The following RTL4 variants were observed in gnomAD, a reference collection of about 807,000 sequenced individuals.
RTL4 encodes retrotransposon Gag-like protein 4.
A neutral mutation model predicts 5.3 loss-of-function variants in RTL4; 4 were observed. That is an observed-to-expected ratio of 0.75 (90% CI 0.37 to 1.72). The LOEUF (loss-of-function observed/expected upper bound fraction) is 1.72. Ranked by LOEUF, RTL4 falls within the 40% of genes most tolerant of loss-of-function variation. The probability of loss-of-function intolerance (pLI) is 0.04; values close to 1 mark genes in which losing one functional copy is unlikely to be tolerated. For missense variants in RTL4, 260 were observed against 227.1 expected (o/e 1.14, Z -0.93); for synonymous variants, 98 against 87.3 (o/e 1.12, Z -0.68).
At chrX:112,089,587 T>C in the RTL4 span, among the ~76,000 whole-genome samples, 2 of 111,596 alleles carry the variant, frequency 1.8e-5, no homozygotes, top group African/African-American at 6.5e-5. Flanking sequence ...CCTTCAATTC[T>C]ATTCTACTGT....
At chrX:112,272,132 T>C in the RTL4 span, among the ~76,000 whole-genome samples, 1 of 112,040 alleles carries the variant, frequency 8.9e-6, no homozygotes, top group Non-Finnish European at 1.9e-5. Context: ...AGAACTTATT[T>C]ATCCTGCGTG....
At chrX:112,294,688 G>T in the RTL4 span, among the ~76,000 whole-genome samples, 3 of 111,950 alleles carry the variant, frequency 2.7e-5, no homozygotes, top group African/African-American at 9.7e-5. Flanking sequence ...ATGTAGTTTG[G>T]CATCTCGCAT....
the RTL4 span, among the ~76,000 whole-genome samples, chrX:112,402,399 A>AG: frequency 2.1e-3 from 133 of 62,060 alleles, 1 homozygote; most frequent in Admixed American, 7.6e-3. Context: ...CGGAATTATT[A>AG]TTGTGTGTGT....
At chrX:112,104,000 C>T in the RTL4 span, among the ~76,000 whole-genome samples, 5 of 111,165 alleles carry the variant, frequency 4.5e-5, no homozygotes, top group Non-Finnish European at 7.6e-5. Context: ...ACCTATTCCT[C>T]CTATATAACT....
At chrX:112,195,912 G>C in the RTL4 span, among the ~76,000 whole-genome samples, 1 of 111,021 alleles carries the variant, frequency 9.0e-6, no homozygotes, top group Non-Finnish European at 1.9e-5. Flanking sequence ...GCCCAAATTC[G>C]TTTTCTAAAC....
chrX:112,281,271 T>G, the RTL4 span, among the ~76,000 whole-genome samples: 1 of 111,708 alleles, frequency 9.0e-6, no homozygotes, highest in Non-Finnish European at 1.9e-5. Flanking sequence ...ATATTTTACT[T>G]AATGTAACAT....
At chrX:112,266,013 T>C in the RTL4 span, among the ~76,000 whole-genome samples, 1 of 110,600 alleles carries the variant, frequency 9.0e-6, no homozygotes, top group Non-Finnish European at 1.9e-5. Context: ...ACGGGAGTGT[T>C]ATAGGCCTTC....
At chrX:112,400,971 G>A in the RTL4 span, among the ~76,000 whole-genome samples, 1 of 111,592 alleles carries the variant, frequency 9.0e-6, no homozygotes, top group African/African-American at 3.3e-5. Flanking sequence ...CCTTGTACTG[G>A]GGCTTGGAAA....
At chrX:112,418,108 A>G in the RTL4 span, among the ~76,000 whole-genome samples, 1 of 111,841 alleles carries the variant, frequency 8.9e-6, no homozygotes, top group Non-Finnish European at 1.9e-5. Flanking sequence ...AGATCTCACC[A>G]TTACAGTCCA....
chrX:112,342,252 GC>G, the RTL4 span, among the ~76,000 whole-genome samples: 1 of 111,222 alleles, frequency 9.0e-6, no homozygotes, highest in Non-Finnish European at 1.9e-5. Context: ...ATCTAACTCG[GC>G]CATTCTTAAC....
At chrX:112,163,804 G>A in the RTL4 span, among the ~76,000 whole-genome samples, 1 of 111,763 alleles carries the variant, frequency 8.9e-6, no homozygotes, top group Non-Finnish European at 1.9e-5. Flanking sequence ...CCTAGCAGAG[G>A]ATAGGTTGTC....
the RTL4 span, among the ~76,000 whole-genome samples, chrX:112,365,118 A>G: frequency 9.0e-6 from 1 of 111,194 alleles, no homozygotes; most frequent in Non-Finnish European, 1.9e-5. Flanking sequence ...TCAGAGGAAT[A>G]TACATCTAAG....
chrX:112,306,437 G>A, the RTL4 span, among the ~76,000 whole-genome samples: 2 of 111,483 alleles, frequency 1.8e-5, no homozygotes, highest in South Asian at 7.6e-4. Flanking sequence ...AATCCTGTAA[G>A]AAAGGTCAAT....
At chrX:112,264,566 G>A in the RTL4 span, among the ~76,000 whole-genome samples, 16 of 112,306 alleles carry the variant, frequency 1.4e-4, no homozygotes, top group Non-Finnish European at 2.6e-4. Flanking sequence ...GTGTGTATAT[G>A]TTCATGTATA....
At chrX:112,246,360 G>A in the RTL4 span, among the ~76,000 whole-genome samples, 8 of 111,506 alleles carry the variant, frequency 7.2e-5, no homozygotes, top group Non-Finnish European at 1.1e-4. Flanking sequence ...TCATTGAGCC[G>A]TGTTGGTCTC....
chrX:112,092,573 T>C, the RTL4 span, among the ~76,000 whole-genome samples: 1 of 111,862 alleles, frequency 8.9e-6, no homozygotes, highest in Admixed American at 9.5e-5. Context: ...GGTTCTGAAA[T>C]TGATTACATC....
At chrX:112,132,836 A>G in the RTL4 span, among the ~76,000 whole-genome samples, 10 of 112,501 alleles carry the variant, frequency 8.9e-5, no homozygotes, top group East Asian at 2.2e-3. Flanking sequence ...CAATAAGGTA[A>G]GTTCCATACT....
chrX:112,161,836 C>CTTTTCTTTCTTTCTTTCTTT, the RTL4 span, among the ~76,000 whole-genome samples: 11 of 35,233 alleles, frequency 3.1e-4, no homozygotes, highest in African/African-American at 1.3e-3. Flanking sequence ...TTCCTTCCTT[C>CTTTTCTTTCTTTCTTTCTTT]CTTCCTTCCT....
the RTL4 span, among the ~76,000 whole-genome samples, chrX:112,308,412 T>C: frequency 9.0e-6 from 1 of 111,627 alleles, no homozygotes; most frequent in Non-Finnish European, 1.9e-5. Flanking sequence ...TAGAAGTCAG[T>C]GCTGTGAGGA....
Sources: gnomAD v4.1 joint callset for allele counts (sites outside exome capture counted in the v4.1 genomes callset) on GRCh38, gnomAD v4.1.1 for gene constraint, MANE v1.5 for transcripts, NCBI Gene and HGNC (gene_info 2026-07-23, HGNC 2026-07-21) for gene names.